Variants in TGIF2 observed in about 807,000 individuals in gnomAD.
TGIF2 encodes TGFB induced factor homeobox 2, also known as homeobox protein TGIF2.
TGIF2 carries 5 observed loss-of-function variants against 15.1 expected under a neutral mutation model. The observed-to-expected ratio is 0.33, with a 90% CI of 0.17 to 0.70. The LOEUF (loss-of-function observed/expected upper bound fraction) is 0.70, where lower values mean the gene tolerates loss of function less well. TGIF2 is among the 30% of genes least tolerant of loss of function. TGIF2 has a pLI of 0.67. For synonymous variants in TGIF2, 131 were observed against 128.9 expected, an observed-to-expected ratio of 1.02 and a Z score of -0.11; for missense variants, 264 against 302.5, an observed-to-expected ratio of 0.87 and a Z score of 0.94.
At chr20:36,583,743 A>G (rs1333158244) in intron 2 of TGIF2, among the ~76,000 whole-genome samples, 5 of 152,156 alleles carry the variant, frequency 3.3e-5, no homozygotes, top group Non-Finnish European at 7.3e-5. Flanking sequence ...CTAAAAATAC[A>G]AAAATTAACC....
intron 1 of TGIF2, among the ~76,000 whole-genome samples, chr20:36,574,120 G>GC (rs1225973377): frequency 2.0e-5 from 3 of 151,576 alleles, no homozygotes; most frequent in African/African-American, 4.8e-5. Context: ...CGCCAGCAGG[G>GC]CCCCCCCGCC....
chr20:36,585,465 TAAAAAA>T (rs998173848), intron 2 of TGIF2, among the ~76,000 whole-genome samples: 1 of 104,056 alleles, frequency 9.6e-6, no homozygotes, highest in Non-Finnish European at 2.0e-5. Flanking sequence ...ACTCTGTCTT[TAAAAAA>T]AAAAAAAAAA....
At chr20:36,578,457 G>A (rs1422734481) in intron 1 of TGIF2, among the ~76,000 whole-genome samples, 9 of 151,392 alleles carry the variant, frequency 5.9e-5, no homozygotes, top group South Asian at 2.1e-4. Flanking sequence ...GCTTAGTACC[G>A]AACATGGAAA....
chr20:36,582,525 T>C (rs1406894600), intron 2 of TGIF2, among the ~76,000 whole-genome samples: 1 of 152,216 alleles, frequency 6.6e-6, no homozygotes, highest in Non-Finnish European at 1.5e-5. Flanking sequence ...AGGCACAGAC[T>C]CAGCAGAGTA....
intron 2 of TGIF2, among the ~76,000 whole-genome samples, chr20:36,580,493 G>C (rs1057078666): frequency 6.6e-6 from 1 of 152,106 alleles, no homozygotes; most frequent in Admixed American, 6.6e-5. Flanking sequence ...TGAGTGTAGG[G>C]AGAAAGGGAC....
intron 2 of TGIF2, among the ~76,000 whole-genome samples, chr20:36,588,319 C>T (rs2038700889): frequency 6.7e-6 from 1 of 148,880 alleles, no homozygotes; most frequent in East Asian, 2.0e-4. Flanking sequence ...AGTTTGTTCC[C>T]TTCCTTCATC....
intron 2 of TGIF2, among the ~76,000 whole-genome samples, chr20:36,584,730 A>G (rs967825245): frequency 6.6e-6 from 1 of 151,938 alleles, no homozygotes; most frequent in Non-Finnish European, 1.5e-5. Flanking sequence ...TAGTTTTAGT[A>G]AAGACAGGGT....
intron 2 of TGIF2, among the ~76,000 whole-genome samples, chr20:36,586,346 C>T (rs1307125863): frequency 6.6e-6 from 1 of 152,060 alleles, no homozygotes; most frequent in Non-Finnish European, 1.5e-5. Flanking sequence ...GCCAACTCCA[C>T]CCCTCACCCC....
intron 2 of TGIF2, among the ~76,000 whole-genome samples, chr20:36,589,158 G>C (rs114505431): frequency 0.025 from 3,771 of 152,204 alleles, 158 homozygotes; most frequent in African/African-American, 0.086. Flanking sequence ...TCTTTATAAT[G>C]CCCCCTTTAT....
chr20:36,588,585 G>A (rs2038707954), intron 2 of TGIF2, among the ~76,000 whole-genome samples: 1 of 151,938 alleles, frequency 6.6e-6, no homozygotes, highest in Non-Finnish European at 1.5e-5. Flanking sequence ...CTCAACCAGC[G>A]TCCACTGAAG....
rs544238390 is a variant in TGIF2 at position 36,592,814 on chromosome 20, T to TTTTG, written c.*1399_*1402dup. On this transcript the variant is annotated 3_prime_UTR_variant, in exon 3 of 3. Transcript: ENST00000373872. ...TTCTTTTGCTGTTTTGTTTTTTGTT[T>TTTTG]TTTGTTTGTTTGTTTGTTTTTTTGA... The TTTTG allele has an allele frequency of 3.2e-5, 5 of 158,056 alleles. No homozygotes were observed. The highest frequency in any genetic ancestry group is 3.7e-4 in the East Asian group (2 of 5,414). 9.8% of individuals were successfully genotyped at this position (158,056 alleles called of 1,614,324 possible). A position where few individuals can be genotyped will look rare whatever the true frequency, so the allele number is the denominator to read the frequency against.
chr20:36,586,068 C>T (rs2038652253), intron 2 of TGIF2, among the ~76,000 whole-genome samples: 1 of 152,192 alleles, frequency 6.6e-6, no homozygotes, highest in Non-Finnish European at 1.5e-5. Context: ...GAGGAGTGTC[C>T]TGGCCTAGCC....
chr20:36,582,775 T>C (rs981103022), intron 2 of TGIF2, among the ~76,000 whole-genome samples: 1 of 152,202 alleles, frequency 6.6e-6, no homozygotes, highest in Admixed American at 6.5e-5. Flanking sequence ...CCAGCCCTCC[T>C]TGATGGAAAC....
intron 2 of TGIF2, among the ~76,000 whole-genome samples, chr20:36,586,029 T>G (rs1318830858): frequency 6.6e-6 from 1 of 152,164 alleles, no homozygotes; most frequent in Non-Finnish European, 1.5e-5. Context: ...AGGAACCTGG[T>G]GCAGAGGCTG....
chr20:36,580,883 G>A (rs2038532763), intron 2 of TGIF2, among the ~76,000 whole-genome samples: 2 of 150,968 alleles, frequency 1.3e-5, no homozygotes, highest in South Asian at 4.2e-4. Flanking sequence ...CCAGCACTTT[G>A]GGAGGCCAAG....
chr20:36,574,645 C>CT (rs2038382818), intron 1 of TGIF2: 1 of 152,310 alleles, frequency 6.6e-6, no homozygotes, highest in African/African-American at 2.4e-5. Context: ...CGTGAGTTTT[C>CT]TTTCTTCCAG....
chr20:36,578,867 G>A lies in TGIF2; in HGVS notation c.93G>A (p.Lys31=). ...RRGNLPKESV[K]ILRDWLYLHR... is the part of the protein sequence containing the mutation. ...GGAACCTGCCCAAGGAGTCGGTGAAGATCCTCCGGGACTGGCTGTACTTGC... is the reference window on the plus strand; with the variant it reads ...GGAACCTGCCCAAGGAGTCGGTGAAAATCCTCCGGGACTGGCTGTACTTGC... Residue 31 remains lysine, a synonymous_variant, in exon 2 of 3, where the codon AAG becomes AAA. Coordinates refer to ENST00000373872, the MANE Select transcript of TGIF2 (RefSeq NM_021809.7). The A allele has an allele frequency of 1.2e-6, 2 of 1,614,184 alleles. No individual in the cohort carries two copies. Among genetic ancestry groups the A allele is most frequent in the African/African-American group, 1.3e-5 (1 of 75,050 alleles).
intron 2 of TGIF2, among the ~76,000 whole-genome samples, chr20:36,590,676 G>A (rs113050688): frequency 3.3e-5 from 5 of 152,090 alleles, no homozygotes; most frequent in South Asian, 2.1e-4. Flanking sequence ...GCTATCTTCC[G>A]ATCTCAGGCT....
chr20:36,585,859 C>T (rs6028239), intron 2 of TGIF2, among the ~76,000 whole-genome samples: 38 of 152,300 alleles, frequency 2.5e-4, no homozygotes, highest in African/African-American at 6.7e-4. Flanking sequence ...GTGCCAGGCC[C>T]GGGACTCTGT....
Sources: allele counts gnomAD v4.1 joint callset (sites outside exome capture counted in the v4.1 genomes callset), GRCh38; gene constraint gnomAD v4.1.1; transcripts MANE v1.5; gene names NCBI Gene and HGNC (gene_info 2026-07-23, HGNC 2026-07-21).